Variants in PRUNE2 observed in about 807,000 individuals in gnomAD.
PRUNE2 encodes protein prune homolog 2.
In PRUNE2, 164 loss-of-function variants were observed where a neutral mutation model predicts 252.0. That is an observed-to-expected ratio of 0.65 (90% CI 0.57 to 0.74). PRUNE2 has a LOEUF of 0.74. PRUNE2 is among the 30% of genes least tolerant of loss of function. PRUNE2 has a pLI of 0.00. For synonymous variants in PRUNE2, 1,292 were observed against 1,350.2 expected, an observed-to-expected ratio of 0.96 and a Z score of 0.94; for missense variants, 3,495 against 3,711.0, an observed-to-expected ratio of 0.94 and a Z score of 1.51.
intron 6 of PRUNE2, among the ~76,000 whole-genome samples, chr9:76,720,829 A>G (rs1433713841): frequency 1.3e-5 from 2 of 149,564 alleles, no homozygotes; most frequent in Non-Finnish European, 3.0e-5. Context: ...AGTTGCACAA[A>G]GTTAAATATG....
intron 1 of PRUNE2, among the ~76,000 whole-genome samples, chr9:76,884,339 AG>A (rs899864454): frequency 6.6e-6 from 1 of 152,222 alleles, no homozygotes; most frequent in African/African-American, 2.4e-5. Context: ...CTGAAGAACT[AG>A]AAAAATAGCC....
At chr9:76,812,428 A>C (rs1378434586) in intron 6 of PRUNE2, among the ~76,000 whole-genome samples, 1 of 152,246 alleles carries the variant, frequency 6.6e-6, no homozygotes. Context: ...GCCAAAGTAC[A>C]TGAAACCAAC....
intron 4 of PRUNE2, among the ~76,000 whole-genome samples, chr9:76,837,904 T>C (rs980641238): frequency 7.3e-5 from 11 of 151,536 alleles, no homozygotes; most frequent in African/African-American, 2.4e-4. Context: ...CCTGAGTAGC[T>C]GGGACTACAG....
intron 6 of PRUNE2, among the ~76,000 whole-genome samples, chr9:76,772,042 A>T (rs1490476089): frequency 6.6e-6 from 1 of 152,196 alleles, no homozygotes; most frequent in Non-Finnish European, 1.5e-5. Context: ...GGCTCCACAC[A>T]AACTACCTTT....
intron 6 of PRUNE2, among the ~76,000 whole-genome samples, chr9:76,817,433 T>C (rs1353228938): frequency 6.6e-6 from 1 of 152,188 alleles, no homozygotes; most frequent in Middle Eastern, 3.2e-3. Flanking sequence ...GGCACATCTA[T>C]TTGATGACAT....
At chr9:76,732,293 C>T (rs1049951324) in intron 6 of PRUNE2, among the ~76,000 whole-genome samples, 3 of 151,894 alleles carry the variant, frequency 2.0e-5, no homozygotes, top group Admixed American at 1.3e-4. Flanking sequence ...GGGGGCAGAG[C>T]GAGACTCCGT....
rs1455797457 is a variant in PRUNE2 at position 76,704,755 on chromosome 9, TC to T, written c.7513+5del. On this transcript the variant is annotated splice_donor_5th_base_variant and intron_variant, in intron 8 of 18. Coordinates refer to ENST00000376718, the MANE Select transcript of PRUNE2 (RefSeq NM_015225.3). ...CTTGGAAGTGGAAGAATGGAATGTT[TC>T]TTACCATTTGGTGGTCCTATGTCTC... 2.0e-6 allele frequency: 3 copies of T among 1,517,128 alleles called. No individual in the cohort carries two copies. In the South Asian group the frequency reaches 3.7e-5, roughly 19 times the overall value. The allele number at this position is 1,517,128 out of a possible 1,614,324, so 94.0% of individuals were successfully genotyped here. A position where few individuals can be genotyped will look rare whatever the true frequency, so the allele number is the denominator to read the frequency against.
At position 76,652,541 on chromosome 9, in the gene PRUNE2, G is replaced by A. The variant is rs376632452; in HGVS notation, c.8499C>T (p.Ile2833=). The change falls in exon 11 of 19, where the codon ATC becomes ATT. Residue 2833 remains isoleucine (I), a synonymous_variant. Transcript: ENST00000376718. The part of the protein sequence containing the change: ...DNLDSPDEID[I]NVDELDTPDE... ...CGGGGGTATCAAGTTCATCCACATT[G>A]ATGTCAATTTCATCTGGACTGTCCA... 3.7e-6 allele frequency: 6 copies of A among 1,613,290 alleles called. No homozygotes were observed. In the African/African-American group the frequency reaches 8.0e-5, roughly 22 times the overall value.
At chr9:76,727,033 C>T (rs1361708390) in intron 6 of PRUNE2, among the ~76,000 whole-genome samples, 1 of 152,166 alleles carries the variant, frequency 6.6e-6, no homozygotes, top group Non-Finnish European at 1.5e-5. Context: ...TAACTTTAGA[C>T]CAGGGTTTCT....
rs148601100 is a variant in PRUNE2 at position 76,836,592 on chromosome 9, C to T, written c.509-9860G>A. On this transcript the variant is annotated intron_variant, in intron 4 of 18. Transcript: ENST00000376718. ...ATTAGAAAGTAATGCTACATAAGTA[C>T]GTGCCTTTCCAAATGAAAGTGGATA... is the stretch of plus-strand genomic sequence containing the variant. 1.9e-4 allele frequency among the ~76,000 whole-genome samples: 29 copies of T among 152,194 alleles called. No homozygotes were observed. In the South Asian group the frequency reaches 2.3e-3, roughly 12 times the overall value.
rs763862683 is a variant in PRUNE2, at chr9:76,772,746, T to C, written c.756+50886A>G. Reference sequence around the variant, plus strand: ...ATCCAGCTAATTGTTTAATTTTTTGTAGAGACAGAGCCTCACTATGTTGCC... The same window carrying C: ...ATCCAGCTAATTGTTTAATTTTTTGCAGAGACAGAGCCTCACTATGTTGCC... On this transcript the variant is annotated intron_variant, in intron 6 of 18. Coordinates refer to ENST00000376718, the MANE Select transcript of PRUNE2 (RefSeq NM_015225.3). Among the ~76,000 whole-genome samples, 45 of 152,260 alleles carry C rather than the reference T, an allele frequency of 3.0e-4. 1 individual carries two copies. Among genetic ancestry groups the C allele is most frequent in the Non-Finnish European group, 6.0e-4 (41 of 68,016 alleles).
chr9:76,638,614 G>C (rs2132665561), intron 12 of PRUNE2, among the ~76,000 whole-genome samples: 1 of 152,288 alleles, frequency 6.6e-6, no homozygotes, highest in East Asian at 1.9e-4. Context: ...AAAAAAATGA[G>C]AGGGGGCAAG....
intron 1 of PRUNE2, among the ~76,000 whole-genome samples, chr9:76,885,333 G>A (rs1417239876): frequency 6.6e-6 from 1 of 152,098 alleles, no homozygotes; most frequent in African/African-American, 2.4e-5. Flanking sequence ...TTCTAGCTTG[G>A]TGCTATAAAG....
At chr9:76,682,093 G>A (rs1458869836) in intron 9 of PRUNE2, among the ~76,000 whole-genome samples, 2 of 152,072 alleles carry the variant, frequency 1.3e-5, no homozygotes, top group African/African-American at 4.8e-5. Context: ...CAGTGAAGGC[G>A]ATAAAAATGT....
At chr9:76,885,277 T>C (rs1185192660) in intron 1 of PRUNE2, among the ~76,000 whole-genome samples, 1 of 152,250 alleles carries the variant, frequency 6.6e-6, no homozygotes, top group Non-Finnish European at 1.5e-5. Flanking sequence ...AACTAGGCCA[T>C]TCTTCCTTTC....
chr9:76,658,240 C>T (rs901207689), intron 9 of PRUNE2, among the ~76,000 whole-genome samples: 1 of 152,186 alleles, frequency 6.6e-6, no homozygotes. Flanking sequence ...TGCCTGTAAT[C>T]CCAGCTACTC....
At chr9:76,717,301 G>A (rs144266406) in intron 6 of PRUNE2, among the ~76,000 whole-genome samples, 195 of 152,312 alleles carry the variant, frequency 1.3e-3, no homozygotes, top group African/African-American at 4.6e-3. Flanking sequence ...GAGGCAGAGC[G>A]TGTTTGTTCT....
At chr9:76,711,469 A>C (rs2046725593) in intron 7 of PRUNE2, 111 bp from the exon 8 acceptor site, 1 of 702,264 alleles carries the variant, frequency 1.4e-6, no homozygotes, top group African/African-American at 1.8e-5. Context: ...ATCTGTGTTC[A>C]TCTGTCTGAA....
chr9:76,614,629 C>G (rs748689539), intron 18 of PRUNE2, 29 bp from the exon 19 acceptor site: 2 of 1,581,602 alleles, frequency 1.3e-6, no homozygotes, highest in Non-Finnish European at 1.7e-6. Flanking sequence ...GAGAGAGAAA[C>G]ATGAGAAACC....
Sources: allele counts gnomAD v4.1 joint callset (sites outside exome capture counted in the v4.1 genomes callset), GRCh38; gene constraint gnomAD v4.1.1; transcripts MANE v1.5; gene names NCBI Gene and HGNC (gene_info 2026-07-23, HGNC 2026-07-21).